FSD1L: variants seen among roughly 807,000 people sequenced by gnomAD.
FSD1L encodes the protein FSD1-like protein.
In FSD1L, 45 loss-of-function variants were observed where a neutral mutation model predicts 71.6. The ratio of observed to expected loss-of-function variants is 0.63; its 90% CI spans 0.49 to 0.81. FSD1L has a LOEUF of 0.81. Among genes scored for constraint, FSD1L ranks in the 30% least tolerant of loss-of-function variants. FSD1L has a pLI of 0.00. For missense variants in FSD1L, 561 were observed against 618.1 expected (o/e 0.91, Z 0.98); for synonymous variants, 197 against 207.2 (o/e 0.95, Z 0.42).
chr9:105,501,534 T>C (rs1833761298), intron 7 of FSD1L, among the ~76,000 whole-genome samples: 1 of 152,118 alleles, frequency 6.6e-6, no homozygotes, highest in Middle Eastern at 3.2e-3. Flanking sequence ...GCGGTCTTTC[T>C]GCATCAGCCT....
At position 105,549,188 on chromosome 9, in the gene FSD1L, T is replaced by C. The variant is rs1403652898; in HGVS notation, c.*2705T>C. ...GAAATGCTTGAGAGGTTGACTATAATGGATATGTCACAGGTATAAAACAGT... is the reference window on the plus strand; with the variant it reads ...GAAATGCTTGAGAGGTTGACTATAACGGATATGTCACAGGTATAAAACAGT... On this transcript the variant is annotated 3_prime_UTR_variant, in exon 14 of 14. Coordinates refer to ENST00000481272, the MANE Select transcript of FSD1L (RefSeq NM_001145313.3). The C allele has an allele frequency of 6.6e-6, 1 of 152,076 alleles. No homozygotes were observed. Among genetic ancestry groups the C allele is most frequent in the Non-Finnish European group, 1.5e-5 (1 of 67,952 alleles). The allele number at this position is 152,076 out of a possible 1,614,324, so 9.4% of individuals were successfully genotyped here. A position where few individuals can be genotyped will look rare whatever the true frequency, so the allele number is the denominator to read the frequency against.
intron 7 of FSD1L, among the ~76,000 whole-genome samples, chr9:105,499,306 T>C (rs1316850860): frequency 6.6e-6 from 1 of 152,208 alleles, no homozygotes; most frequent in Non-Finnish European, 1.5e-5. Flanking sequence ...GTTGCCCTTA[T>C]TGTTTTGAAT....
rs183085033 is a variant in FSD1L at position 105,487,682 on chromosome 9, C to T, written c.586+3180C>T. ...GGTGTATATCCTTGCTCACCTTGAT[C>T]ATTTGCCTGTTGAATTTATGGTGAT... On this transcript the variant is annotated intron_variant, in intron 7 of 13. Coordinates refer to ENST00000481272, the MANE Select transcript of FSD1L (RefSeq NM_001145313.3). Among the ~76,000 whole-genome samples, 161 of 152,146 alleles carry T rather than the reference C, an allele frequency of 1.1e-3. No individual in the cohort carries two copies. The Middle Eastern group carries it at 0.02, about 19-fold the overall frequency.
intron 10 of FSD1L, among the ~76,000 whole-genome samples, chr9:105,532,376 T>C (rs1835949303): frequency 6.6e-6 from 1 of 152,246 alleles, no homozygotes; most frequent in African/African-American, 2.4e-5. Flanking sequence ...GCAGTTTTAC[T>C]TTCTTACTAT....
At chr9:105,539,232 ATAAAT>A (rs1461657687) in intron 12 of FSD1L, 26 bp from the exon 13 acceptor site, 2 of 1,033,630 alleles carry the variant, frequency 1.9e-6, no homozygotes, top group Non-Finnish European at 2.8e-6. Flanking sequence ...TTTTTGTATA[ATAAAT>A]TAGGCTTTTT....
In FSD1L at chr9:105,547,646, CA is replaced by C. The variant is rs1315026615; in HGVS notation, c.*1168del. 4 of 152,112 alleles carry C rather than the reference CA, an allele frequency of 2.6e-5. No individual in the cohort carries two copies. The East Asian group carries it at 7.7e-4, about 29-fold the overall frequency. 9.4% of individuals were successfully genotyped at this position (152,112 alleles called of 1,614,324 possible). A position where few individuals can be genotyped will look rare whatever the true frequency, so the allele number is the denominator to read the frequency against. ...CTTTTCAAAGAAATGTTAATTATTACAAAAATTGACATAGATATCTTTCCCA... is the reference window on the plus strand; with the variant it reads ...CTTTTCAAAGAAATGTTAATTATTACAAAATTGACATAGATATCTTTCCCA... On this transcript the variant is annotated 3_prime_UTR_variant, in exon 14 of 14. Coordinates refer to ENST00000481272, the MANE Select transcript of FSD1L (RefSeq NM_001145313.3).
upstream of FSD1L, among the ~76,000 whole-genome samples, chr9:105,446,177 G>A (rs146291923): frequency 1.6e-4 from 24 of 152,016 alleles, no homozygotes; most frequent in Non-Finnish European, 2.9e-4. Flanking sequence ...AATAAATGCT[G>A]TTTCTCAAAC....
At chr9:105,524,216 T>C (rs899027342) in intron 10 of FSD1L, 2 of 1,612,296 alleles carry the variant, frequency 1.2e-6, no homozygotes, top group Non-Finnish European at 1.7e-6. Flanking sequence ...TGAATGTGAT[T>C]TGTGTTTCCT....
chr9:105,508,008 C>T (rs1834158155), intron 8 of FSD1L, among the ~76,000 whole-genome samples: 1 of 151,028 alleles, frequency 6.6e-6, no homozygotes, highest in African/African-American at 2.4e-5. Flanking sequence ...TCTCCTGTCT[C>T]AGCCTCTTGA....
intron 13 of FSD1L, among the ~76,000 whole-genome samples, chr9:105,546,067 T>G (rs945341799): frequency 2.0e-5 from 3 of 152,034 alleles, no homozygotes; most frequent in Admixed American, 2.0e-4. Context: ...GGTAATACCT[T>G]TTGCCTAGAT....
chr9:105,546,879 ACTAT>A lies in FSD1L; in HGVS notation c.*401_*404del, dbSNP rs779118968. The stretch of plus-strand genomic sequence containing the variant: ...TACTTTGTCTTTTTAAAATCTCATT[ACTAT>A]CTATTATTTAGTTCTAACACAGAAG... On this transcript the variant is annotated 3_prime_UTR_variant, in exon 14 of 14. Coordinates refer to ENST00000481272, the MANE Select transcript of FSD1L (RefSeq NM_001145313.3). 1 of 152,712 alleles carries A rather than the reference ACTAT, an allele frequency of 6.5e-6. No homozygotes were observed. The highest frequency in any genetic ancestry group is 1.5e-5 in the Non-Finnish European group (1 of 68,466). 9.5% of individuals were successfully genotyped at this position (152,712 alleles called of 1,614,324 possible). A position where few individuals can be genotyped will look rare whatever the true frequency, so the allele number is the denominator to read the frequency against.
chr9:105,546,385 A>G lies in FSD1L; in HGVS notation c.1495A>G (p.Thr499Ala). 6.5e-7 allele frequency: 1 copy of G among 1,549,834 alleles called. No homozygotes were observed. The highest frequency in any genetic ancestry group is 8.7e-7 in the Non-Finnish European group (1 of 1,145,988). ...MVWCGGLSLS[T>A]GMQVPSAVRT... ...ATGGTGTGGTGGACTTTCTTTGAGTACTGGGATGCAGGTTCCAAGTGCTGT... is the reference window on the plus strand; with the variant it reads ...ATGGTGTGGTGGACTTTCTTTGAGTGCTGGGATGCAGGTTCCAAGTGCTGT... Residue 499 changes from threonine (T) to alanine (A), a missense_variant, in exon 14 of 14, where the codon ACT becomes GCT. Physicochemically the swap from Thr to Ala is moderately conservative, Grantham distance 58 (BLOSUM62 0). This residue lies in a region of FSD1L where 98 missense variants were observed against 102.3 expected (regional missense o/e 0.96). Transcript: ENST00000481272.
chr9:105,535,373 T>G (rs1454231525), intron 12 of FSD1L, 55 bp downstream of exon 12: 1 of 1,511,318 alleles, frequency 6.6e-7, no homozygotes, highest in Non-Finnish European at 9.0e-7. Context: ...TTTCAGTACC[T>G]TTCACTGGTA....
At chr9:105,480,806 C>T (rs1427882300) in intron 6 of FSD1L, among the ~76,000 whole-genome samples, 3 of 152,040 alleles carry the variant, frequency 2.0e-5, no homozygotes, top group Non-Finnish European at 4.4e-5. Flanking sequence ...CCATCTTCCT[C>T]CCTGGGTATA....
chr9:105,512,300 G>T (rs1314438480), intron 9 of FSD1L, among the ~76,000 whole-genome samples: 1 of 151,794 alleles, frequency 6.6e-6, no homozygotes, highest in Admixed American at 6.5e-5. Context: ...CTGCCATCAC[G>T]GCCTCAGTTT....
rs1012035126 is a variant in FSD1L, at chr9:105,547,162, G to A, written c.*679G>A. 3.3e-5 allele frequency: 5 copies of A among 152,394 alleles called. No homozygotes were observed. The allele number at this position is 152,394 out of a possible 1,614,324, so 9.4% of individuals were successfully genotyped here. On this transcript the variant is annotated 3_prime_UTR_variant, in exon 14 of 14. Coordinates refer to ENST00000481272, the MANE Select transcript of FSD1L (RefSeq NM_001145313.3). The stretch of plus-strand genomic sequence containing the variant: ...CCTACTGCACTAACAATGGCAAGGG[G>A]GGTATTCTTTATATGTTGCCTTGTT...
chr9:105,526,244 G>A (rs988558443), intron 10 of FSD1L: 44 of 1,600,356 alleles, frequency 2.7e-5, no homozygotes, highest in Non-Finnish European at 3.5e-5. Context: ...GAGAGAGCAC[G>A]ATACCTGCAA....
intron 7 of FSD1L, among the ~76,000 whole-genome samples, chr9:105,499,938 A>C (rs1054364285): frequency 5.3e-5 from 8 of 152,144 alleles, no homozygotes; most frequent in Non-Finnish European, 1.0e-4. Context: ...TCAAACTCAA[A>C]AGATTCTTTC....
Position 105,494,416 on chromosome 9 carries a change from A to G in FSD1L, c.586+9914A>G, listed in dbSNP as rs552585732. ...TATACATTCGTCTAAATTTTTTTCA[A>G]AGTTTTCAACTTCTTTGCCTTTGGT... On this transcript the variant is annotated intron_variant, in intron 7 of 13. Transcript: ENST00000481272. Among the ~76,000 whole-genome samples the G allele has an allele frequency of 1.5e-4, 23 of 152,102 alleles. No individual in the cohort carries two copies. In the South Asian group the frequency reaches 4.4e-3, roughly 29 times the overall value.
Sources: allele counts gnomAD v4.1 joint callset (sites outside exome capture counted in the v4.1 genomes callset), GRCh38; gene constraint gnomAD v4.1.1; regional missense constraint gnomAD v4.1.1; transcripts MANE v1.5; gene names NCBI Gene and HGNC (gene_info 2026-07-23, HGNC 2026-07-21).